The following CLIC4 variants were observed in gnomAD, a reference collection of about 807,000 sequenced individuals.
CLIC4 encodes the protein CLIC family member 4.
CLIC4 carries 13 observed loss-of-function variants against 24.6 expected under a neutral mutation model. The observed-to-expected ratio is 0.53, with a 90% CI of 0.34 to 0.84. CLIC4 has a LOEUF of 0.84. CLIC4 is among the 40% of genes least tolerant of loss of function. CLIC4 has a pLI of 0.01. For missense variants in CLIC4, 227 were observed against 301.7 expected (o/e 0.75, Z 1.83); for synonymous variants, 104 against 111.3 (o/e 0.93, Z 0.41).
intron 1 of CLIC4, among the ~76,000 whole-genome samples, chr1:24,770,236 A>G (rs1429612565): frequency 6.6e-6 from 1 of 151,184 alleles, no homozygotes; most frequent in Non-Finnish European, 1.5e-5. Context: ...TAATTTGTTA[A>G]TTATTTTTCT....
At position 24,841,688 on chromosome 1, in the gene CLIC4, A is replaced by C. The variant is rs539817300; in HGVS notation, c.*751A>C. 6.6e-6 allele frequency: 1 copy of C among 152,602 alleles called. No individual in the cohort carries two copies. Among genetic ancestry groups the C allele is most frequent in the Non-Finnish European group, 1.5e-5 (1 of 68,034 alleles). The allele number at this position is 152,602 out of a possible 1,614,324, so 9.5% of individuals were successfully genotyped here. The stretch of plus-strand genomic sequence containing the variant: ...ATCTTTAGAAGAGAAACTGATGGGC[A>C]CCTGATACTCTGTCTAAATACGTTT... On this transcript the variant is annotated 3_prime_UTR_variant, in exon 6 of 6. Transcript: ENST00000374379.
At chr1:24,795,520 A>G (rs906085551) in intron 1 of CLIC4, among the ~76,000 whole-genome samples, 4 of 151,934 alleles carry the variant, frequency 2.6e-5, no homozygotes, top group African/African-American at 4.8e-5. Context: ...GAAACATAGT[A>G]AGATCCTATC....
intron 2 of CLIC4, among the ~76,000 whole-genome samples, chr1:24,809,205 T>G (rs1435151399): frequency 6.6e-6 from 1 of 152,176 alleles, no homozygotes; most frequent in Non-Finnish European, 1.5e-5. Flanking sequence ...TTATTTTTCT[T>G]TGTTTAGGAA....
chr1:24,776,652 TGA>T (rs1639144277), intron 1 of CLIC4, among the ~76,000 whole-genome samples: 1 of 152,238 alleles, frequency 6.6e-6, no homozygotes, highest in Admixed American at 6.5e-5. Context: ...TTGAAAATGC[TGA>T]GTTTGGCCAG....
At chr1:24,795,447 A>G (rs546437305) in intron 1 of CLIC4, among the ~76,000 whole-genome samples, 1 of 152,076 alleles carries the variant, frequency 6.6e-6, no homozygotes, top group South Asian at 2.1e-4. Context: ...TCTTAAGTCC[A>G]CGAATTTGAA....
chr1:24,776,805 G>A (rs1639146349), intron 1 of CLIC4, among the ~76,000 whole-genome samples: 2 of 30,496 alleles, frequency 6.6e-5, no homozygotes, highest in Admixed American at 6.4e-4. Context: ...CCAGCTACTC[G>A]GGAGGCTGAG....
intron 3 of CLIC4, among the ~76,000 whole-genome samples, chr1:24,820,076 T>C (rs1350366087): frequency 3.0e-5 from 1 of 33,454 alleles, no homozygotes; most frequent in East Asian, 1.9e-3. Context: ...TGTATATATA[T>C]ATGTATATAT....
In CLIC4 at chr1:24,745,531, C is replaced by T; in HGVS notation, c.-23C>T. The T allele has an allele frequency of 1.3e-6, 2 of 1,570,938 alleles. No individual in the cohort carries two copies. Among genetic ancestry groups the T allele is most frequent in the South Asian group, 2.3e-5 (2 of 85,172 alleles). ...AGCAGCAGCAGCAGCCCTCGCCGTTCGCGGAGCGCAGCCGAGCCGGCCATG... is the reference window on the plus strand; with the variant it reads ...AGCAGCAGCAGCAGCCCTCGCCGTTTGCGGAGCGCAGCCGAGCCGGCCATG... On this transcript the variant is annotated 5_prime_UTR_variant, in exon 1 of 6. Coordinates refer to ENST00000374379, the MANE Select transcript of CLIC4 (RefSeq NM_013943.3).
At chr1:24,823,353 A>G (rs532820317) in intron 3 of CLIC4, among the ~76,000 whole-genome samples, 4 of 152,300 alleles carry the variant, frequency 2.6e-5, no homozygotes, top group Non-Finnish European at 5.9e-5. Flanking sequence ...AAAAACTTTG[A>G]GACTTGGATT....
At chr1:24,825,040 A>ACACACAC (rs1557813784) in intron 3 of CLIC4, among the ~76,000 whole-genome samples, 3 of 148,466 alleles carry the variant, frequency 2.0e-5, no homozygotes, top group Non-Finnish European at 4.5e-5. Context: ...ACACACACAC[A>ACACACAC]AAAGTACAAA....
chr1:24,752,356 G>C (rs775624088), intron 1 of CLIC4, among the ~76,000 whole-genome samples: 17 of 152,152 alleles, frequency 1.1e-4, no homozygotes, highest in Admixed American at 1.1e-3. Context: ...CAGTCCAGGA[G>C]AATGTCTTAG....
intron 3 of CLIC4, among the ~76,000 whole-genome samples, chr1:24,820,230 A>AT (rs1200086644): frequency 7.7e-6 from 1 of 129,704 alleles, no homozygotes; most frequent in African/African-American, 2.9e-5. Context: ...GACCACAGGC[A>AT]TGCACCCTAT....
rs1212033050 is a variant in CLIC4, at chr1:24,820,067, G to GTGTGTATATATATATATATATATATA, written c.308+5849_308+5850insGTGTATATATATATATATATATATAT. On this transcript the variant is annotated intron_variant, in intron 3 of 5. Transcript: ENST00000374379. Reference sequence around the variant, plus strand: ...TACTTCAAAAAAAAAAAAAAAGTATGTATATATATATGTATATATATATAT... The same window carrying GTGTGTATATATATATATATATATATA: ...TACTTCAAAAAAAAAAAAAAAGTATGTGTGTATATATATATATATATATATATATATATATATGTATATATATATAT... Among the ~76,000 whole-genome samples the GTGTGTATATATATATATATATATATA allele has an allele frequency of 1.2e-3, 45 of 36,456 alleles. 6 individuals carry two copies. Among genetic ancestry groups the GTGTGTATATATATATATATATATATA allele is most frequent in the Non-Finnish European group, 1.6e-3 (31 of 19,186 alleles). 23.9% of individuals were successfully genotyped at this position (36,456 alleles called of 152,430 possible).
chr1:24,747,084 G>A (rs1638708910), intron 1 of CLIC4, among the ~76,000 whole-genome samples: 1 of 144,766 alleles, frequency 6.9e-6, no homozygotes, highest in Admixed American at 7.0e-5. Context: ...TCTTTCAATT[G>A]TCAATTTTCG....
chr1:24,820,293 G>T (rs868668405), intron 3 of CLIC4, among the ~76,000 whole-genome samples: 2,156 of 7,864 alleles, frequency 0.27, 78 homozygotes, highest in African/African-American at 0.4. Flanking sequence ...TTTTTTTTTT[G>T]AGACATGGTC....
At chr1:24,763,102 G>A (rs1259587332) in intron 1 of CLIC4, among the ~76,000 whole-genome samples, 1 of 152,076 alleles carries the variant, frequency 6.6e-6, no homozygotes, top group Non-Finnish European at 1.5e-5. Context: ...AGTAAACTCT[G>A]TGAGGAAGAA....
At chr1:24,781,684 T>A (rs1441908120) in intron 1 of CLIC4, among the ~76,000 whole-genome samples, 5 of 151,228 alleles carry the variant, frequency 3.3e-5, no homozygotes, top group South Asian at 2.1e-4. Context: ...TTTTTTTTTT[T>A]AAAGACGGAG....
intron 1 of CLIC4, among the ~76,000 whole-genome samples, chr1:24,749,238 AAAAG>A (rs1248764021): frequency 1.3e-5 from 2 of 152,060 alleles, no homozygotes; most frequent in Admixed American, 6.6e-5. Context: ...AAAAAAAAAA[AAAAG>A]AAAGTAGAGA....
intron 2 of CLIC4, among the ~76,000 whole-genome samples, chr1:24,799,184 C>T (rs1447765198): frequency 1.3e-5 from 2 of 151,706 alleles, no homozygotes; most frequent in South Asian, 2.1e-4. Context: ...GGCCGCCATC[C>T]CATCTAGGAA....
Sources: gnomAD v4.1 joint callset for allele counts (sites outside exome capture counted in the v4.1 genomes callset) on GRCh38, gnomAD v4.1.1 for gene constraint, MANE v1.5 for transcripts, NCBI Gene and HGNC (gene_info 2026-07-23, HGNC 2026-07-21) for gene names.